ACTR5: variants seen among roughly 807,000 people sequenced by gnomAD.
ACTR5 encodes the protein actin-related protein 5.
Under a neutral mutation model 61.2 loss-of-function variants are expected in ACTR5, and 43 were observed. That is an observed-to-expected ratio of 0.70 (90% CI 0.55 to 0.91). The LOEUF is 0.91. Among genes scored for constraint, ACTR5 ranks in the 40% least tolerant of loss-of-function variants. The pLI, the probability that ACTR5 is intolerant of heterozygous loss-of-function variation, is 0.00. For missense variants in ACTR5, 798 were observed against 782.2 expected (o/e 1.02, Z -0.24); for synonymous variants, 333 against 310.5 (o/e 1.07, Z -0.76).
chr20:38,762,500 G>A (rs1216642698), intron 5 of ACTR5, among the ~76,000 whole-genome samples: 2 of 152,208 alleles, frequency 1.3e-5, no homozygotes, highest in African/African-American at 4.8e-5. Context: ...TTTGGGGAGT[G>A]TCAAGGTCAC....
intron 5 of ACTR5, among the ~76,000 whole-genome samples, chr20:38,757,773 A>T (rs2084429295): frequency 6.7e-6 from 1 of 150,300 alleles, no homozygotes; most frequent in Non-Finnish European, 1.5e-5. Context: ...TGCTTTATAG[A>T]GCAGATCCTG....
At chr20:38,755,829 T>C (rs1377356581) in intron 4 of ACTR5, 28 bp from the exon 5 acceptor site, 2 of 1,612,896 alleles carry the variant, frequency 1.2e-6, no homozygotes, top group African/African-American at 2.7e-5. Context: ...GCTACTTTCC[T>C]TCCTGTTTGT....
At chr20:38,754,279 C>A (rs939960101) in intron 3 of ACTR5, among the ~76,000 whole-genome samples, 3 of 152,194 alleles carry the variant, frequency 2.0e-5, no homozygotes, top group Admixed American at 2.0e-4. Context: ...GAAGAACTTA[C>A]TTAGCAGTTC....
rs114985200 is a variant in ACTR5, at chr20:38,755,991, C to T, written c.1128C>T (p.Leu376=). The T allele has an allele frequency of 5.6e-4, 904 of 1,613,880 alleles. 3 individuals carry two copies. In the African/African-American group the frequency reaches 5.9e-3, roughly 11 times the overall value. ...IAVEQAKQKI[L]QAEVNLEVDV... The stretch of plus-strand genomic sequence containing the variant: ...TGGAGCAGGCTAAGCAGAAAATCCT[C>T]CAAGCGGAAGTCAACCTCGAGGTGG... The change falls in exon 5 of 9, where the codon CTC becomes CTT. Residue 376 remains leucine, a synonymous_variant. Transcript: ENST00000243903.
intron 5 of ACTR5, among the ~76,000 whole-genome samples, chr20:38,758,733 G>A (rs1403204761): frequency 1.3e-5 from 2 of 152,132 alleles, no homozygotes; most frequent in East Asian, 1.9e-4. Flanking sequence ...AATGATCAGA[G>A]TCAATTACAG....
intron 5 of ACTR5, among the ~76,000 whole-genome samples, chr20:38,763,940 G>T (rs1026006351): frequency 2.6e-5 from 4 of 152,046 alleles, no homozygotes; most frequent in African/African-American, 9.7e-5. Flanking sequence ...CCTTTCCAGG[G>T]TTTATCCTCA....
At chr20:38,754,284 C>T (rs2084404644) in intron 3 of ACTR5, among the ~76,000 whole-genome samples, 1 of 152,182 alleles carries the variant, frequency 6.6e-6, no homozygotes, top group Non-Finnish European at 1.5e-5. Flanking sequence ...ACTTACTTAG[C>T]AGTTCTTTTA....
Position 38,767,579 on chromosome 20 carries a change from T to A in ACTR5, c.1549T>A (p.Phe517Ile). 6.2e-7 allele frequency: 1 copy of A among 1,612,720 alleles called. No individual in the cohort carries two copies. Among genetic ancestry groups the A allele is most frequent in the South Asian group, 1.1e-5 (1 of 90,870 alleles). The change falls in exon 8 of 9, where the codon TTC becomes ATC. Residue 517 changes from phenylalanine (F) to isoleucine (I), a missense_variant. Transcript: ENST00000243903. ...MEKELLEMRP[F>I]RSSFQVQLAS... ...GAAGGAACTGTTGGAGATGAGACCC[T>A]TCCGGTCTTCTTTTCAGGTACTGAT...
At position 38,755,006 on chromosome 20, in the gene ACTR5, G is replaced by C. The variant is rs753575773; in HGVS notation, c.825G>C (p.Lys275Asn). The change falls in exon 4 of 9, where the codon AAG becomes AAC. Residue 275 changes from lysine to asparagine, a missense_variant. Lys to Asn is a moderately conservative substitution (Grantham distance 94). Transcript: ENST00000243903. ...CPDYYENNVH[K>N]MQLPFSSKLL... ...ATTATTATGAGAATAATGTCCACAAGATGCAGCTCCCATTTTCCAGCAAGC... is the reference window on the plus strand; with the variant it reads ...ATTATTATGAGAATAATGTCCACAACATGCAGCTCCCATTTTCCAGCAAGC... The C allele has an allele frequency of 2.5e-6, 4 of 1,614,248 alleles. No homozygotes were observed. Among genetic ancestry groups the C allele is most frequent in the Non-Finnish European group, 3.4e-6 (4 of 1,180,050 alleles).
intron 7 of ACTR5, among the ~76,000 whole-genome samples, chr20:38,767,254 A>G (rs934780091): frequency 6.6e-6 from 1 of 152,198 alleles, no homozygotes; most frequent in Non-Finnish European, 1.5e-5. Flanking sequence ...TAAGTTGACC[A>G]TTCAGATTAC....
At chr20:38,770,364 CA>C (rs1376122940) in intron 8 of ACTR5, among the ~76,000 whole-genome samples, 1 of 152,078 alleles carries the variant, frequency 6.6e-6, no homozygotes, top group African/African-American at 2.4e-5. Context: ...CAATTTAAAC[CA>C]AAATGAAAAC....
intron 7 of ACTR5, among the ~76,000 whole-genome samples, chr20:38,766,641 A>G (rs957282433): frequency 6.6e-6 from 1 of 152,214 alleles, no homozygotes; most frequent in Non-Finnish European, 1.5e-5. Flanking sequence ...GAACAACCCG[A>G]TAACATGTAC....
At chr20:38,760,698 C>G (rs1025920645) in intron 5 of ACTR5, among the ~76,000 whole-genome samples, 25 of 152,162 alleles carry the variant, frequency 1.6e-4, no homozygotes, top group African/African-American at 6.0e-4. Flanking sequence ...GGTCACATAG[C>G]TAGAAGTAGT....
At chr20:38,765,869 C>T (rs897203697) in intron 6 of ACTR5, among the ~76,000 whole-genome samples, 7 of 152,212 alleles carry the variant, frequency 4.6e-5, no homozygotes, top group South Asian at 4.1e-4. Context: ...CAATGCCAAC[C>T]AGATAAACTG....
At chr20:38,750,787 C>T (rs1339829948) in intron 2 of ACTR5, among the ~76,000 whole-genome samples, 1 of 152,004 alleles carries the variant, frequency 6.6e-6, no homozygotes, top group African/African-American at 2.4e-5. Flanking sequence ...TGCCACCATT[C>T]CTGGCTAATT....
chr20:38,755,992 C>G lies in ACTR5; in HGVS notation c.1129C>G (p.Gln377Glu), dbSNP rs1395023336. The change falls in exon 5 of 9, where the codon CAA becomes GAA. Residue 377 changes from glutamine to glutamate, a missense_variant. Coordinates refer to ENST00000243903, the MANE Select transcript of ACTR5 (RefSeq NM_024855.4). ...GGAGCAGGCTAAGCAGAAAATCCTC[C>G]AAGCGGAAGTCAACCTCGAGGTGGA... ...AVEQAKQKIL[Q>E]AEVNLEVDVV... 6.2e-7 allele frequency: 1 copy of G among 1,613,874 alleles called. No individual in the cohort carries two copies. The highest frequency in any genetic ancestry group is 1.1e-5 in the South Asian group (1 of 91,048).
At chr20:38,767,902 T>G (rs915866883) in intron 8 of ACTR5, among the ~76,000 whole-genome samples, 1 of 152,088 alleles carries the variant, frequency 6.6e-6, no homozygotes, top group Non-Finnish European at 1.5e-5. Context: ...TGGGATACAT[T>G]GGAGCGTTCC....
In ACTR5 at chr20:38,755,199, G is replaced by A. The variant is rs184783832; in HGVS notation, c.993+25G>A. The A allele has an allele frequency of 2.9e-5, 45 of 1,546,104 alleles. 1 individual carries two copies. In the Admixed American group the frequency reaches 3.6e-4, roughly 12 times the overall value. ...GGTAATAGCAGACACAGGGACGGGC[G>A]CCCTTCCGTGTTAACAAGATAGTCT... is the stretch of plus-strand genomic sequence containing the variant. On this transcript the variant is annotated intron_variant, in intron 4 of 8. Coordinates refer to ENST00000243903, the MANE Select transcript of ACTR5 (RefSeq NM_024855.4).
At chr20:38,749,931 T>C (rs1368966364) in intron 1 of ACTR5, 79 bp from the exon 2 acceptor site, 3 of 1,285,978 alleles carry the variant, frequency 2.3e-6, no homozygotes, top group Non-Finnish European at 3.2e-6. Flanking sequence ...AGTCCTGCAA[T>C]AAGGATTTTG....
Sources: gnomAD v4.1 joint callset for allele counts (sites outside exome capture counted in the v4.1 genomes callset) on GRCh38, gnomAD v4.1.1 for gene constraint, MANE v1.5 for transcripts, NCBI Gene and HGNC (gene_info 2026-07-23, HGNC 2026-07-21) for gene names.